NFKB1: variants seen among roughly 807,000 people sequenced by gnomAD.
NFKB1 encodes the protein nuclear factor NF-kappa-B p105 subunit.
In NFKB1, 9 loss-of-function variants were observed where a neutral mutation model predicts 105.1. The ratio of observed to expected loss-of-function variants is 0.09; its 90% CI spans 0.05 to 0.15. NFKB1 has a LOEUF of 0.15. Ranked by LOEUF, NFKB1 falls within the 10% of genes least tolerant of loss-of-function variation. The pLI, the probability that NFKB1 is intolerant of heterozygous loss-of-function variation, is 1.00. For synonymous variants in NFKB1, 440 were observed against 442.2 expected (o/e 1.00, Z 0.06); for missense variants, 830 against 1,203.7 (o/e 0.69, Z 4.59).
Position 102,607,873 on chromosome 4 carries a change from A to G in NFKB1, c.2227+122A>G. The G allele has an allele frequency of 5.1e-6, 4 of 790,950 alleles. No individual in the cohort carries two copies. The Admixed American group carries it at 8.0e-5, about 16-fold the overall frequency. The allele number at this position is 790,950 out of a possible 1,614,324, so 49.0% of individuals were successfully genotyped here. A position where few individuals can be genotyped will look rare whatever the true frequency, so the allele number is the denominator to read the frequency against. On this transcript the variant is annotated intron_variant, in intron 19 of 23. Coordinates refer to ENST00000226574, the MANE Select transcript of NFKB1 (RefSeq NM_003998.4). ...ACCTACTGCTGAAAAACAAGGGTAA[A>G]TAAAAATTATATGGCAAATCACATT...
At chr4:102,506,100 T>C (rs1739399694) in intron 1 of NFKB1, among the ~76,000 whole-genome samples, 1 of 151,938 alleles carries the variant, frequency 6.6e-6, no homozygotes, top group Non-Finnish European at 1.5e-5. Flanking sequence ...ATTTATGAAC[T>C]AGAAAAAAAA....
chr4:102,560,365 A>G (rs183907215), intron 5 of NFKB1, among the ~76,000 whole-genome samples: 273 of 152,344 alleles, frequency 1.8e-3, no homozygotes, highest in Non-Finnish European at 2.9e-3. Context: ...TTTCAGAGCA[A>G]AGTTATACAT....
chr4:102,511,681 G>GA (rs111514455), intron 1 of NFKB1, among the ~76,000 whole-genome samples: 463 of 147,556 alleles, frequency 3.1e-3, no homozygotes, highest in African/African-American at 0.01. Flanking sequence ...CTCAAAAAAG[G>GA]AAAAAAAAAA....
chr4:102,544,933 C>A (rs1243280608), intron 5 of NFKB1, among the ~76,000 whole-genome samples: 1 of 152,090 alleles, frequency 6.6e-6, no homozygotes, highest in East Asian at 1.9e-4. Context: ...TCCACTCTTC[C>A]TTGACACATG....
intron 5 of NFKB1, among the ~76,000 whole-genome samples, chr4:102,551,479 A>G (rs1017729036): frequency 6.6e-6 from 1 of 152,116 alleles, no homozygotes; most frequent in African/African-American, 2.4e-5. Context: ...TTGTGATAGA[A>G]TGCAAGTGGA....
chr4:102,524,778 G>C (rs1481626900), intron 1 of NFKB1, among the ~76,000 whole-genome samples: 1 of 152,134 alleles, frequency 6.6e-6, no homozygotes, highest in Non-Finnish European at 1.5e-5. Flanking sequence ...GGGCAATCTA[G>C]ATCCCTTGCA....
At chr4:102,609,824 G>A (rs988027452) in intron 19 of NFKB1, among the ~76,000 whole-genome samples, 1 of 152,078 alleles carries the variant, frequency 6.6e-6, no homozygotes, top group African/African-American at 2.4e-5. Context: ...TGACCCATCT[G>A]ATGTTCTCCC....
At chr4:102,570,927 C>G (rs542394719) in intron 6 of NFKB1, among the ~76,000 whole-genome samples, 1 of 152,264 alleles carries the variant, frequency 6.6e-6, no homozygotes, top group South Asian at 2.1e-4. Context: ...TTTATAGATT[C>G]AATGCCATCC....
intron 1 of NFKB1, among the ~76,000 whole-genome samples, chr4:102,518,779 C>T (rs1397462608): frequency 2.0e-5 from 3 of 152,134 alleles, no homozygotes; most frequent in African/African-American, 7.2e-5. Context: ...GTTTTGGCTA[C>T]TCAGCTGGTG....
intron 5 of NFKB1, among the ~76,000 whole-genome samples, chr4:102,545,152 C>T (rs1042782288): frequency 2.6e-5 from 4 of 152,154 alleles, no homozygotes; most frequent in Non-Finnish European, 4.4e-5. Context: ...TCCACTGCCT[C>T]CTCCACAGAC....
chr4:102,592,030 A>G (rs572836896), intron 11 of NFKB1, among the ~76,000 whole-genome samples: 1 of 152,230 alleles, frequency 6.6e-6, no homozygotes, highest in Non-Finnish European at 1.5e-5. Flanking sequence ...CAGTGAAGGA[A>G]GTAACAGCAG....
At chr4:102,611,068 T>TTTA (rs1728363741) in intron 20 of NFKB1, among the ~76,000 whole-genome samples, 1 of 152,200 alleles carries the variant, frequency 6.6e-6, no homozygotes, top group Admixed American at 6.5e-5. Context: ...GTAAGTGATT[T>TTTA]CAGGATGTAA....
In NFKB1 at chr4:102,553,384, A is replaced by G. The variant is rs183148704; in HGVS notation, c.259-13603A>G. On this transcript the variant is annotated intron_variant, in intron 5 of 23. Transcript: ENST00000226574. ...TCAATCCCAAGTAAATTTGGATATC[A>G]CAGAGTCAGAGATATTCTTAATTAT... Among the ~76,000 whole-genome samples, 204 of 152,324 alleles carry G rather than the reference A, an allele frequency of 1.3e-3. No individual in the cohort carries two copies. The Middle Eastern group carries it at 0.024, about 18-fold the overall frequency.
chr4:102,502,366 C>T (rs1348318454), intron 1 of NFKB1, among the ~76,000 whole-genome samples: 1 of 139,186 alleles, frequency 7.2e-6, no homozygotes, highest in African/African-American at 2.8e-5. Flanking sequence ...TCCCCCCTCC[C>T]CCCCTCCGTG....
chr4:102,576,439 ACACATATGCTCC>A (rs1724827787), intron 6 of NFKB1, among the ~76,000 whole-genome samples: 2 of 152,222 alleles, frequency 1.3e-5, no homozygotes, highest in Admixed American at 1.3e-4. Flanking sequence ...AGACATATAG[ACACATATGCTCC>A]CACTCCCGTA....
At chr4:102,553,528 T>C (rs1387461812) in intron 5 of NFKB1, among the ~76,000 whole-genome samples, 1 of 152,150 alleles carries the variant, frequency 6.6e-6, no homozygotes, top group East Asian at 1.9e-4. Context: ...AAACCTAGAA[T>C]TTTTGTTTTG....
chr4:102,550,532 G>A (rs1406487098), intron 5 of NFKB1, among the ~76,000 whole-genome samples: 1 of 152,060 alleles, frequency 6.6e-6, no homozygotes, highest in Non-Finnish European at 1.5e-5. Context: ...TATGAAATGT[G>A]TATCTCATAT....
chr4:102,510,747 C>T (rs952495607), intron 1 of NFKB1: 1 of 178,070 alleles, frequency 5.6e-6, no homozygotes, highest in Admixed American at 6.3e-5. Flanking sequence ...AAACTTGAGA[C>T]AAAAATTGAA....
At chr4:102,588,671 A>G (rs948247989) in intron 11 of NFKB1, among the ~76,000 whole-genome samples, 2 of 152,180 alleles carry the variant, frequency 1.3e-5, no homozygotes, top group African/African-American at 4.8e-5. Context: ...GAATTGAACT[A>G]TTATCTAAAG....
Sources: allele counts gnomAD v4.1 joint callset (sites outside exome capture counted in the v4.1 genomes callset), GRCh38; gene constraint gnomAD v4.1.1; transcripts MANE v1.5; gene names NCBI Gene and HGNC (gene_info 2026-07-23, HGNC 2026-07-21).